Variants in PAK6 observed in about 807,000 individuals in gnomAD.
The protein encoded by PAK6 is serine/threonine-protein kinase PAK 6.
A neutral mutation model predicts 60.8 loss-of-function variants in PAK6; 33 were observed. The ratio of observed to expected loss-of-function variants is 0.54; its 90% confidence interval spans 0.41 to 0.73. The LOEUF is 0.73. Ranked by LOEUF, PAK6 falls within the 30% of genes least tolerant of loss-of-function variation. The probability of loss-of-function intolerance (pLI) is 0.00; values close to 1 mark genes in which losing one functional copy is unlikely to be tolerated. For synonymous variants in PAK6, 404 were observed against 378.5 expected, an observed-to-expected ratio of 1.07 and a Z score of -0.78; for missense variants, 845 against 904.1, an observed-to-expected ratio of 0.93 and a Z score of 0.84.
intron 5 of PAK6, chr15:40,266,837 C>T (rs1232131051): frequency 1.6e-5 from 4 of 252,270 alleles, no homozygotes; most frequent in African/African-American, 8.9e-5. Context: ...GCACATTTTT[C>T]TTGTGAGAAA....
chr15:40,248,095 C>G (rs1028952519), intron 2 of PAK6, among the ~76,000 whole-genome samples: 1 of 152,192 alleles, frequency 6.6e-6, no homozygotes, highest in African/African-American at 2.4e-5. Context: ...AGGCCAGAGA[C>G]ATGCTGTAAG....
At chr15:40,268,837 T>C (rs2039221638) in intron 5 of PAK6, among the ~76,000 whole-genome samples, 1 of 152,192 alleles carries the variant, frequency 6.6e-6, no homozygotes, top group Non-Finnish European at 1.5e-5. Flanking sequence ...GCACCTACCG[T>C]GTACTCCGAT....
chr15:40,266,723 T>G (rs2039149310), intron 5 of PAK6: 1 of 486,972 alleles, frequency 2.1e-6, no homozygotes, highest in Non-Finnish European at 3.6e-6. Context: ...GTTTCCCATT[T>G]CTGTCAGTAT....
At chr15:40,263,585 CG>C (rs1405995608) in intron 3 of PAK6, among the ~76,000 whole-genome samples, 5 of 152,136 alleles carry the variant, frequency 3.3e-5, no homozygotes, top group South Asian at 2.1e-4. Context: ...CAGCAAGGCA[CG>C]GGACACAGGC....
intron 2 of PAK6, chr15:40,245,279 A>C (rs894647605): frequency 6.6e-6 from 1 of 152,296 alleles, no homozygotes; most frequent in Non-Finnish European, 1.5e-5. Flanking sequence ...GGACCAGCCT[A>C]CTCAACTCAG....
chr15:40,272,898 C>T (rs144657412), exon 7 of PAK6: 43 of 1,613,976 alleles, frequency 2.7e-5, no homozygotes, highest in Middle Eastern at 3.3e-4. Context: ...AGCACTTCAA[C>T]GTGGTGGAGA....
chr15:40,273,464 G>C, exon 8 of PAK6: 1 of 1,613,564 alleles, frequency 6.2e-7, no homozygotes, highest in Non-Finnish European at 8.5e-7. Context: ...GCTGACCCTC[G>C]ATGGCAGGGT....
chr15:40,273,742 T>C (rs1367566494), intron 9 of PAK6, 66 bp downstream of exon 9: 15 of 1,581,378 alleles, frequency 9.5e-6, no homozygotes, highest in Non-Finnish European at 1.2e-5. Flanking sequence ...TCTTCTGCTG[T>C]GGCCCCTCCA....
chr15:40,256,809 C>T (rs1595579437), intron 3 of PAK6: 3 of 152,196 alleles, frequency 2.0e-5, no homozygotes, highest in Non-Finnish European at 4.4e-5. Flanking sequence ...GTGAAATGCT[C>T]AGCCCAGAGC....
intron 3 of PAK6, 82 bp downstream of exon 3, chr15:40,253,371 G>C (rs1016220132): frequency 2.3e-6 from 1 of 428,398 alleles, no homozygotes; most frequent in South Asian, 1.7e-5. Context: ...TGGGCAGGCA[G>C]GTGGCCCTCC....
chr15:40,269,546 C>T (rs1402928977), intron 5 of PAK6, among the ~76,000 whole-genome samples: 1 of 152,206 alleles, frequency 6.6e-6, no homozygotes, highest in Non-Finnish European at 1.5e-5. Context: ...ATTCTGTTGT[C>T]GTGTCCCCCT....
rs536256435 is a variant in PAK6, at chr15:40,244,932, C to G, written c.-118+4251C>G. Reference sequence around the variant, plus strand: ...TTTCCTACAAAACCTCATCACGACACATCAGGCAGGGCAGAGACCCAAGTA... The same window carrying G: ...TTTCCTACAAAACCTCATCACGACAGATCAGGCAGGGCAGAGACCCAAGTA... On this transcript the variant is annotated intron_variant, in intron 2 of 10. Coordinates refer to ENST00000560346, the Ensembl canonical transcript of PAK6. 2.0e-5 allele frequency: 3 copies of G among 152,362 alleles called. No homozygotes were observed. In the South Asian group the frequency reaches 6.2e-4, roughly 32 times the overall value. The allele number at this position is 152,362 out of a possible 1,614,324, so 9.4% of individuals were successfully genotyped here.
intron 2 of PAK6, chr15:40,247,322 G>A (rs916920161): frequency 3.9e-5 from 6 of 152,278 alleles, no homozygotes; most frequent in Admixed American, 6.5e-5. Flanking sequence ...AGCAGGCACT[G>A]CAAAGCAATT....
chr15:40,273,372 T>G, exon 8 of PAK6: 1 of 1,613,948 alleles, frequency 6.2e-7, no homozygotes, highest in Non-Finnish European at 8.5e-7. Flanking sequence ...ATTGCCACTG[T>G]GTGTGAGGCT....
intron 3 of PAK6, 78 bp downstream of exon 3, chr15:40,253,367 G>A: frequency 2.3e-6 from 1 of 431,988 alleles, no homozygotes; most frequent in South Asian, 1.6e-5. Flanking sequence ...ACAGTGGGCA[G>A]GCAGGTGGCC....
At chr15:40,267,528 G>T (rs528147076) in intron 5 of PAK6, among the ~76,000 whole-genome samples, 2 of 152,158 alleles carry the variant, frequency 1.3e-5, no homozygotes, top group Non-Finnish European at 2.9e-5. Context: ...GCGCGGTGGC[G>T]GGCGCCTGTA....
chr15:40,252,363 C>T (rs749847018), intron 2 of PAK6: 2 of 1,307,734 alleles, frequency 1.5e-6, no homozygotes, highest in Non-Finnish European at 2.0e-6. Flanking sequence ...GCGGCTGTGG[C>T]CAGGCCAGGG....
chr15:40,248,645 C>T (rs1038015938), intron 2 of PAK6, among the ~76,000 whole-genome samples: 1 of 152,212 alleles, frequency 6.6e-6, no homozygotes, highest in Non-Finnish European at 1.5e-5. Context: ...AGTGGGGGAA[C>T]CTGAGGGCCC....
chr15:40,269,058 G>A (rs1038546302), intron 5 of PAK6, among the ~76,000 whole-genome samples: 4 of 152,294 alleles, frequency 2.6e-5, no homozygotes, highest in South Asian at 4.1e-4. Context: ...TCCCTCTTTC[G>A]CCCAGGCTGG....
Sources: gnomAD v4.1 joint callset for allele counts (sites outside exome capture counted in the v4.1 genomes callset) on GRCh38, gnomAD v4.1.1 for gene constraint, MANE v1.5 for transcripts, NCBI Gene and HGNC (gene_info 2026-07-23, HGNC 2026-07-21) for gene names.